Variants in CALCRL observed in about 807,000 individuals in gnomAD.
CALCRL encodes the protein calcitonin gene-related peptide type 1 receptor.
Under a neutral mutation model 60.4 loss-of-function variants are expected in CALCRL, and 27 were observed. The observed-to-expected ratio is 0.45, with a 90% CI of 0.33 to 0.62. The LOEUF (loss-of-function observed/expected upper bound fraction) is 0.62. Among genes scored for constraint, CALCRL ranks in the 20% least tolerant of loss-of-function variants. The pLI, the probability that CALCRL is intolerant of heterozygous loss-of-function variation, is 0.03. For synonymous variants in CALCRL, 190 were observed against 182.6 expected, an observed-to-expected ratio of 1.04 and a Z score of -0.33; for missense variants, 424 against 540.7, an observed-to-expected ratio of 0.78 and a Z score of 2.14.
Position 187,362,090 on chromosome 2 carries a change from T to C in CALCRL, c.627+1286A>G, listed in dbSNP as rs530309165. Among the ~76,000 whole-genome samples, 3 of 152,052 alleles carry C rather than the reference T, an allele frequency of 2.0e-5. No individual in the cohort carries two copies. The East Asian group carries it at 5.8e-4, about 29-fold the overall frequency. Reference sequence around the variant, plus strand: ...TTCTTGATTTCATTAAAAAAGTTAATCGATAAACCATTACAATAAAAAAGA... The same window carrying C: ...TTCTTGATTTCATTAAAAAAGTTAACCGATAAACCATTACAATAAAAAAGA... On this transcript the variant is annotated intron_variant, in intron 9 of 14. Coordinates refer to ENST00000392370, the MANE Select transcript of CALCRL (RefSeq NM_005795.6).
At chr2:187,386,185 C>T (rs1688200451) in intron 3 of CALCRL, among the ~76,000 whole-genome samples, 1 of 151,798 alleles carries the variant, frequency 6.6e-6, no homozygotes, top group Non-Finnish European at 1.5e-5. Flanking sequence ...TTTGCCTTTA[C>T]CAAAATTGGG....
intron 9 of CALCRL, among the ~76,000 whole-genome samples, 193 bp downstream of exon 9, chr2:187,363,183 G>C (rs1323044757): frequency 2.0e-5 from 3 of 152,020 alleles, no homozygotes; most frequent in Non-Finnish European, 4.4e-5. Flanking sequence ...AGTATATGTA[G>C]CTATATTCCA....
intron 1 of CALCRL, among the ~76,000 whole-genome samples, chr2:187,419,522 T>C (rs369601786): frequency 6.6e-6 from 1 of 152,228 alleles, no homozygotes; most frequent in Non-Finnish European, 1.5e-5. Context: ...GCTTTCATTA[T>C]GGCAGCCCTT....
chr2:187,370,202 G>GT (rs570508903), intron 8 of CALCRL, among the ~76,000 whole-genome samples: 126 of 152,060 alleles, frequency 8.3e-4, no homozygotes, highest in African/African-American at 2.9e-3. Context: ...TAGTCATTCT[G>GT]TTTTTTCTTT....
chr2:187,384,120 G>T (rs1260939324), intron 4 of CALCRL, among the ~76,000 whole-genome samples: 1 of 152,060 alleles, frequency 6.6e-6, no homozygotes, highest in Non-Finnish European at 1.5e-5. Context: ...CTAGCAGGAA[G>T]TTGAATTTAG....
intron 12 of CALCRL, 128 bp downstream of exon 12, chr2:187,358,935 A>C (rs1278033630): frequency 1.3e-6 from 1 of 786,474 alleles, no homozygotes; most frequent in Non-Finnish European, 2.2e-6. Flanking sequence ...AACGCTATTC[A>C]TTTAAGCACT....
chr2:187,381,560 A>G (rs141936949), intron 5 of CALCRL, among the ~76,000 whole-genome samples: 1 of 151,722 alleles, frequency 6.6e-6, no homozygotes, highest in African/African-American at 2.4e-5. Flanking sequence ...GGTTCAAGTG[A>G]TTCTCCTGCC....
intron 1 of CALCRL, among the ~76,000 whole-genome samples, chr2:187,414,594 T>C (rs779357542): frequency 6.6e-5 from 10 of 152,174 alleles, no homozygotes; most frequent in Non-Finnish European, 1.5e-4. Flanking sequence ...TATATGTGAA[T>C]CTTGGCTAAA....
chr2:187,356,154 C>A (rs187517819), intron 12 of CALCRL, among the ~76,000 whole-genome samples: 1 of 151,988 alleles, frequency 6.6e-6, no homozygotes, highest in Non-Finnish European at 1.5e-5. Flanking sequence ...AACTACTTTA[C>A]GTTTCATATG....
chr2:187,358,791 C>T (rs954107661), intron 12 of CALCRL, among the ~76,000 whole-genome samples: 7 of 152,148 alleles, frequency 4.6e-5, no homozygotes, highest in African/African-American at 1.7e-4. Context: ...GCTCATTTCA[C>T]TGCACTAACA....
intron 1 of CALCRL, among the ~76,000 whole-genome samples, chr2:187,407,460 A>C (rs1689186500): frequency 6.6e-6 from 1 of 152,138 alleles, no homozygotes; most frequent in Admixed American, 6.6e-5. Context: ...GCAAAAAAAT[A>C]GTAGGCAATA....
intron 1 of CALCRL, among the ~76,000 whole-genome samples, chr2:187,438,683 G>A (rs1246333437): frequency 6.6e-6 from 1 of 152,094 alleles, no homozygotes; most frequent in Non-Finnish European, 1.5e-5. Flanking sequence ...TAGCCATTGT[G>A]TGGCCACTTG....
At chr2:187,346,679 T>C (rs577862332) in intron 14 of CALCRL, among the ~76,000 whole-genome samples, 1 of 152,034 alleles carries the variant, frequency 6.6e-6, no homozygotes, top group East Asian at 1.9e-4. Context: ...ATGTATTTAT[T>C]GTTGCCAAAC....
At position 187,370,336 on chromosome 2, in the gene CALCRL, A is replaced by G. The variant is rs76409765; in HGVS notation, c.501-6834T>C. Among the ~76,000 whole-genome samples, 1,058 of 152,276 alleles carry G rather than the reference A, an allele frequency of 6.9e-3. 18 individuals carry two copies. Among genetic ancestry groups the G allele is most frequent in the African/African-American group, 0.024 (1,018 of 41,576 alleles). On this transcript the variant is annotated intron_variant, in intron 8 of 14. Coordinates refer to ENST00000392370, the MANE Select transcript of CALCRL (RefSeq NM_005795.6). ...AATGGAAAACCTGATTGTAAAATAT[A>G]TTATGACTTTTGGGAGAAAAAATGT...
At chr2:187,352,634 T>TA (rs760726915) in intron 12 of CALCRL, among the ~76,000 whole-genome samples, 147 of 151,920 alleles carry the variant, frequency 9.7e-4, no homozygotes, top group South Asian at 2.3e-3. Flanking sequence ...CACGTGCAAT[T>TA]AAAAAAATCT....
chr2:187,421,422 A>G (rs555480444), intron 1 of CALCRL, among the ~76,000 whole-genome samples: 1 of 152,032 alleles, frequency 6.6e-6, no homozygotes, highest in East Asian at 1.9e-4. Flanking sequence ...TGTTTCTTAA[A>G]CTCTCTAAAG....
intron 1 of CALCRL, among the ~76,000 whole-genome samples, chr2:187,420,529 C>A (rs1689823488): frequency 6.6e-6 from 1 of 151,496 alleles, no homozygotes; most frequent in African/African-American, 2.4e-5. Context: ...AATTCTTGTC[C>A]ACTACTGCCA....
chr2:187,355,189 A>T (rs1686717171), intron 12 of CALCRL, among the ~76,000 whole-genome samples: 2 of 152,096 alleles, frequency 1.3e-5, no homozygotes, highest in Admixed American at 6.6e-5. Flanking sequence ...GAAAACAAAG[A>T]CACAGAGAGG....
chr2:187,394,619 T>G (rs536181059), intron 1 of CALCRL, among the ~76,000 whole-genome samples: 2 of 152,170 alleles, frequency 1.3e-5, no homozygotes, highest in African/African-American at 4.8e-5. Flanking sequence ...TAGCTAGAAG[T>G]GTTTCTTCTA....
Sources: allele counts gnomAD v4.1 joint callset (sites outside exome capture counted in the v4.1 genomes callset), GRCh38; gene constraint gnomAD v4.1.1; transcripts MANE v1.5; gene names NCBI Gene and HGNC (gene_info 2026-07-23, HGNC 2026-07-21).